The following CHCHD6 variants were observed in gnomAD, a reference collection of about 807,000 sequenced individuals.
The protein encoded by CHCHD6 is coiled-coil-helix-coiled-coil-helix domain containing 6.
A neutral mutation model predicts 32.3 loss-of-function variants in CHCHD6; 28 were observed. That is an observed-to-expected ratio of 0.87 (90% CI 0.64 to 1.19). The LOEUF is 1.19. CHCHD6 is among the 50% of genes most tolerant of loss of function. The pLI is 0.00. For synonymous variants in CHCHD6, 122 were observed against 117.5 expected (o/e 1.04, Z -0.25); for missense variants, 333 against 307.0 (o/e 1.08, Z -0.63).
At chr3:126,940,598 T>A (rs1322334981) in intron 6 of CHCHD6, among the ~76,000 whole-genome samples, 1 of 152,212 alleles carries the variant, frequency 6.6e-6, no homozygotes, top group African/African-American at 2.4e-5. Context: ...AAAAAACATA[T>A]GCATACAGGT....
intron 4 of CHCHD6, among the ~76,000 whole-genome samples, chr3:126,750,127 C>T (rs558708925): frequency 3.3e-5 from 5 of 152,270 alleles, no homozygotes; most frequent in African/African-American, 7.2e-5. Flanking sequence ...CAAAACATTG[C>T]GCAATTGGGA....
At chr3:126,739,838 C>T (rs908773581) in intron 4 of CHCHD6, among the ~76,000 whole-genome samples, 3 of 152,154 alleles carry the variant, frequency 2.0e-5, no homozygotes, top group East Asian at 1.9e-4. Context: ...CCTTGGTCAC[C>T]TCTGGGTTTG....
intron 4 of CHCHD6, among the ~76,000 whole-genome samples, chr3:126,793,417 A>G (rs2107686975): frequency 6.6e-6 from 1 of 152,120 alleles, no homozygotes; most frequent in East Asian, 1.9e-4. Context: ...TCTATGGATC[A>G]TGATATACCT....
chr3:126,777,916 A>G (rs143767968), intron 4 of CHCHD6, among the ~76,000 whole-genome samples: 71 of 152,338 alleles, frequency 4.7e-4, no homozygotes, highest in Middle Eastern at 3.4e-3. Flanking sequence ...TCTACCCATT[A>G]GCAGTCACTC....
chr3:126,798,772 A>G (rs1375666906), intron 4 of CHCHD6, among the ~76,000 whole-genome samples: 1 of 152,086 alleles, frequency 6.6e-6, no homozygotes, highest in Non-Finnish European at 1.5e-5. Context: ...ATGTTGGTTG[A>G]ATTTCGCAGG....
chr3:126,799,800 G>GA (rs1172965827), intron 4 of CHCHD6, among the ~76,000 whole-genome samples: 3 of 152,198 alleles, frequency 2.0e-5, no homozygotes, highest in Non-Finnish European at 4.4e-5. Context: ...ACGGCCTGGA[G>GA]AAAAAGAAGG....
intron 6 of CHCHD6, among the ~76,000 whole-genome samples, chr3:126,934,124 G>A (rs2078443977): frequency 6.6e-6 from 1 of 152,110 alleles, no homozygotes; most frequent in Non-Finnish European, 1.5e-5. Context: ...AAAAGCCCCT[G>A]GTCTATGTGT....
chr3:126,784,684 TACCACTGCCTCTC>T (rs1265422398), intron 4 of CHCHD6, among the ~76,000 whole-genome samples: 11 of 152,200 alleles, frequency 7.2e-5, no homozygotes, highest in African/African-American at 2.2e-4. Context: ...TGTCAGCAGA[TACCACTGCCTCTC>T]AGTTCATGGA....
At chr3:126,732,078 C>CAAAAAA (rs57722271) in intron 3 of CHCHD6, among the ~76,000 whole-genome samples, 16 of 75,828 alleles carry the variant, frequency 2.1e-4, no homozygotes, top group Non-Finnish European at 1.9e-4. Context: ...GACCCAAAAC[C>CAAAAAA]AAAAAAAAAA....
chr3:126,847,927 C>G (rs1941346449), intron 4 of CHCHD6, among the ~76,000 whole-genome samples: 1 of 152,252 alleles, frequency 6.6e-6, no homozygotes, highest in Non-Finnish European at 1.5e-5. Context: ...TAGACACATT[C>G]TGGACCATCA....
chr3:126,959,166 A>T (rs2078826815), intron 7 of CHCHD6, among the ~76,000 whole-genome samples: 1 of 152,240 alleles, frequency 6.6e-6, no homozygotes, highest in South Asian at 2.1e-4. Flanking sequence ...GTGATTACCA[A>T]GGAAGACAGA....
At chr3:126,855,589 A>G (rs1486194836) in intron 5 of CHCHD6, among the ~76,000 whole-genome samples, 2 of 152,152 alleles carry the variant, frequency 1.3e-5, no homozygotes, top group Admixed American at 6.5e-5. Context: ...CCTGACCCCA[A>G]CACCTGCTCT....
rs977048956 is a variant in CHCHD6 at position 126,859,477 on chromosome 3, G to A, written c.495+6747G>A. On this transcript the variant is annotated intron_variant, in intron 5 of 7. Transcript: ENST00000290913. ...TGTAAATTTAATTCTAGGCTTGCAC[G>A]TATGAGGCAGAGATGACCAGCTGAT... 7.2e-5 allele frequency among the ~76,000 whole-genome samples: 11 copies of A among 152,342 alleles called. No individual in the cohort carries two copies. The South Asian group carries it at 8.3e-4, about 11-fold the overall frequency.
At chr3:126,957,272 T>C (rs1450288416) in intron 6 of CHCHD6, 144 bp from the exon 7 acceptor site, 4 of 904,182 alleles carry the variant, frequency 4.4e-6, no homozygotes, top group East Asian at 2.6e-5. Flanking sequence ...AGCACAGTGC[T>C]TCTCCTTGAG....
intron 5 of CHCHD6, among the ~76,000 whole-genome samples, chr3:126,913,581 G>A (rs932121962): frequency 2.0e-5 from 3 of 152,246 alleles, no homozygotes; most frequent in African/African-American, 4.8e-5. Context: ...GACATCTGCT[G>A]TACCTTCCTC....
At position 126,720,312 on chromosome 3, in the gene CHCHD6, A is replaced by T. The variant is rs577995616; in HGVS notation, c.88-6766A>T. On this transcript the variant is annotated intron_variant, in intron 1 of 7. Coordinates refer to ENST00000290913, the MANE Select transcript of CHCHD6 (RefSeq NM_032343.3). ...CACCTGTCATGGTTGCCTCATCCTCATCCACATAGATCCCAGGACCCCTGA... is the reference window on the plus strand; with the variant it reads ...CACCTGTCATGGTTGCCTCATCCTCTTCCACATAGATCCCAGGACCCCTGA... Among the ~76,000 whole-genome samples the T allele has an allele frequency of 2.0e-5, 3 of 152,252 alleles. No homozygotes were observed. In the South Asian group the frequency reaches 6.2e-4, roughly 32 times the overall value.
chr3:126,736,222 C>T (rs1311333342), intron 4 of CHCHD6, among the ~76,000 whole-genome samples: 1 of 152,194 alleles, frequency 6.6e-6, no homozygotes, highest in Admixed American at 6.5e-5. Context: ...GCATCTTCCG[C>T]ATGGAAAGGT....
intron 1 of CHCHD6, among the ~76,000 whole-genome samples, chr3:126,713,643 C>G (rs1342891001): frequency 6.6e-6 from 1 of 152,128 alleles, no homozygotes; most frequent in Admixed American, 6.5e-5. Flanking sequence ...CCAAAATGAT[C>G]TATTCCACAC....
Position 126,888,862 on chromosome 3 carries a change from C to A in CHCHD6, c.496-25818C>A, listed in dbSNP as rs962864805. On this transcript the variant is annotated intron_variant, in intron 5 of 7. Transcript: ENST00000290913. ...TGACCATGAGGGTCCCCTGGGCTTC[C>A]GCTCTGGGGAGAAAGTGGGCAAGTC... Among the ~76,000 whole-genome samples the A allele has an allele frequency of 2.6e-5, 4 of 152,180 alleles. No individual in the cohort carries two copies. In the East Asian group the frequency reaches 7.7e-4, roughly 29 times the overall value.
Sources: allele counts gnomAD v4.1 joint callset (sites outside exome capture counted in the v4.1 genomes callset), GRCh38; gene constraint gnomAD v4.1.1; transcripts MANE v1.5; gene names NCBI Gene and HGNC (gene_info 2026-07-23, HGNC 2026-07-21).